The following PTPRA variants were observed in gnomAD, a reference collection of about 807,000 sequenced individuals.
The protein encoded by PTPRA is protein tyrosine phosphatase receptor type A.
Under a neutral mutation model 104.8 loss-of-function variants are expected in PTPRA, and 25 were observed. The ratio of observed to expected loss-of-function variants is 0.24; its 90% CI spans 0.17 to 0.33. PTPRA has a LOEUF of 0.33. PTPRA is among the 10% of genes least tolerant of loss of function. The probability of loss-of-function intolerance (pLI) is 1.00; values close to 1 mark genes in which losing one functional copy is unlikely to be tolerated. For missense variants in PTPRA, 765 were observed against 1,015.3 expected (o/e 0.75, Z 3.35); for synonymous variants, 323 against 368.9 (o/e 0.88, Z 1.43).
At chr20:2,889,728 A>G (rs1255459052) in intron 1 of PTPRA, among the ~76,000 whole-genome samples, 1 of 152,170 alleles carries the variant, frequency 6.6e-6, no homozygotes, top group Non-Finnish European at 1.5e-5. Context: ...ATCATGATAC[A>G]GTTATTATTG....
Position 3,038,592 on chromosome 20 carries a change from T to G in PTPRA, c.*459T>G, listed in dbSNP as rs1015131802. 2.9e-4 allele frequency: 51 copies of G among 177,644 alleles called. No homozygotes were observed. Among genetic ancestry groups the G allele is most frequent in the Non-Finnish European group, 9.5e-5 (8 of 84,108 alleles). The allele number at this position is 177,644 out of a possible 1,614,324, so 11.0% of individuals were successfully genotyped here. ...TCCCCCATCCCCACCACTGATATCATGGGGAGTAATAGGACCAGAGCGGTA... is the reference window on the plus strand; with the variant it reads ...TCCCCCATCCCCACCACTGATATCAGGGGGAGTAATAGGACCAGAGCGGTA... On this transcript the variant is annotated 3_prime_UTR_variant, in exon 24 of 24. Coordinates refer to ENST00000399903, the MANE Select transcript of PTPRA (RefSeq NM_001385305.1).
chr20:3,017,989 A>G (rs979756826), intron 13 of PTPRA, 76 bp downstream of exon 13: 23 of 1,261,814 alleles, frequency 1.8e-5, no homozygotes, highest in East Asian at 2.4e-5. Context: ...CTGGCTGTCT[A>G]TCCTTTGTGG....
chr20:2,894,882 G>A (rs530612588), intron 1 of PTPRA, among the ~76,000 whole-genome samples: 5 of 151,574 alleles, frequency 3.3e-5, no homozygotes, highest in Admixed American at 2.0e-4. Flanking sequence ...AGCTACTCGG[G>A]AGGCTGAGAC....
chr20:2,911,300 G>T (rs1022707341), intron 1 of PTPRA, among the ~76,000 whole-genome samples: 1 of 152,020 alleles, frequency 6.6e-6, no homozygotes, highest in Non-Finnish European at 1.5e-5. Flanking sequence ...TTCTTGCTCT[G>T]AGTGAACAGT....
intron 5 of PTPRA, among the ~76,000 whole-genome samples, chr20:2,971,100 T>TTTTCTA: frequency 2.0e-5 from 3 of 152,246 alleles, no homozygotes; most frequent in African/African-American, 7.2e-5. Flanking sequence ...TTGTAAAGTA[T>TTTTCTA]TTAATATCCA....
Position 2,940,395 on chromosome 20 carries a change from A to G in PTPRA, c.-49-7587A>G, listed in dbSNP as rs377067380. On this transcript the variant is annotated intron_variant, in intron 2 of 23. Transcript: ENST00000399903. ...GGACTTGAACTCCTGTGCTCAGGCA[A>G]TCCTCCTCCCTCAGCCTTCCAAGTA... is the stretch of plus-strand genomic sequence containing the variant. Among the ~76,000 whole-genome samples the G allele has an allele frequency of 4.6e-5, 7 of 151,752 alleles. No homozygotes were observed. In the South Asian group the frequency reaches 1.3e-3, roughly 27 times the overall value.
At position 3,015,802 on chromosome 20, in the gene PTPRA, T is replaced by C; in HGVS notation, c.907-47T>C. 3 of 1,463,812 alleles carry C rather than the reference T, an allele frequency of 2.0e-6. No homozygotes were observed. The Admixed American group carries it at 5.2e-5, about 25-fold the overall frequency. The allele number at this position is 1,463,812 out of a possible 1,614,324, so 90.7% of individuals were successfully genotyped here. A position where few individuals can be genotyped will look rare whatever the true frequency, so the allele number is the denominator to read the frequency against. ...TCAGACTGGAGAATTTCATTTCTAT[T>C]CATTTTTGGTTTTCTCTTTCTTTTT... On this transcript the variant is annotated intron_variant, in intron 11 of 23. Coordinates refer to ENST00000399903, the MANE Select transcript of PTPRA (RefSeq NM_001385305.1).
chr20:3,002,627 C>T (rs2063687230), intron 9 of PTPRA, among the ~76,000 whole-genome samples: 1 of 152,080 alleles, frequency 6.6e-6, no homozygotes, highest in Admixed American at 6.6e-5. Context: ...GCGCCTGGCC[C>T]AAATGTAGTA....
At chr20:2,988,862 T>C (rs945194838) in intron 9 of PTPRA, among the ~76,000 whole-genome samples, 2 of 152,150 alleles carry the variant, frequency 1.3e-5, no homozygotes, top group African/African-American at 4.8e-5. Context: ...CAAATATAAC[T>C]GTGTAAGTTC....
chr20:2,902,372 TC>T (rs1424305502), intron 1 of PTPRA, among the ~76,000 whole-genome samples: 1 of 152,222 alleles, frequency 6.6e-6, no homozygotes, highest in Non-Finnish European at 1.5e-5. Context: ...CTTTCTTTTT[TC>T]CCTACTCCCT....
rs192390533 is a variant in PTPRA, at chr20:2,883,675, A to G, written c.-129+9915A>G. 1.4e-3 allele frequency among the ~76,000 whole-genome samples: 31 copies of G among 22,664 alleles called. 10 individuals carry two copies. In the African/African-American group the frequency reaches 0.02, roughly 15 times the overall value. The allele number at this position is 22,664 out of a possible 152,430, so 14.9% of individuals were successfully genotyped here. On this transcript the variant is annotated intron_variant, in intron 1 of 23. Coordinates refer to ENST00000399903, the MANE Select transcript of PTPRA (RefSeq NM_001385305.1). ...TCAAAAAAAAAAAAAAAAAAAAAAA[A>G]AAAGAAAGAAATGTGCAATGGTAGA... is the stretch of plus-strand genomic sequence containing the variant.
chr20:2,964,142 G>C, intron 3 of PTPRA, 130 bp from the exon 4 acceptor site: 1 of 718,128 alleles, frequency 1.4e-6, no homozygotes, highest in Non-Finnish European at 2.4e-6. Flanking sequence ...TGCATATCAG[G>C]CTCCCAAAAG....
intron 11 of PTPRA, among the ~76,000 whole-genome samples, chr20:3,012,968 G>C (rs906655019): frequency 6.6e-6 from 1 of 152,094 alleles, no homozygotes; most frequent in Non-Finnish European, 1.5e-5. Flanking sequence ...TTCACCCAGA[G>C]TTTACAATTC....
Position 3,022,944 on chromosome 20 carries a change from G to A in PTPRA, c.1464+120G>A, listed in dbSNP as rs149274858. On this transcript the variant is annotated intron_variant, in intron 16 of 23. Transcript: ENST00000399903. This position sits in a 1 kb window ranked among gnomAD's most constrained non-coding sequence, Gnocchi z 4.6. ...ATGATTACTATAGAGTGTGATTGTG[G>A]GGGAAAGAAAGATAGATCACACTGT... The A allele has an allele frequency of 3.2e-4, 465 of 1,458,024 alleles. 3 individuals carry two copies. The East Asian group carries it at 0.011, about 35-fold the overall frequency. 90.3% of individuals were successfully genotyped at this position (1,458,024 alleles called of 1,614,324 possible). A position where few individuals can be genotyped will look rare whatever the true frequency, so the allele number is the denominator to read the frequency against.
In PTPRA at chr20:3,022,217, G is replaced by C. The variant is rs1357555576; in HGVS notation, c.1325G>C (p.Cys442Ser). Residue 442 changes from cysteine (C) to serine (S), a missense_variant, in exon 15 of 24, where the codon TGC becomes TCC. By Grantham distance (112) the Cys-to-Ser change is moderately radical. Transcript: ENST00000399903. The surrounding 1 kb of genome is among the most constrained non-coding windows in gnomAD (Gnocchi z 4.6). Reference sequence around the variant, plus strand: ...TATGCAGGGGCCATCGTGGTCCACTGCAGGTCAGTGTGGCCTGACCCTTGT... The same window carrying C: ...TATGCAGGGGCCATCGTGGTCCACTCCAGGTCAGTGTGGCCTGACCCTTGT... ...PQYAGAIVVH[C>S]SAGVGRTGTF... is the part of the protein sequence containing the mutation. 2 of 1,614,128 alleles carry C rather than the reference G, an allele frequency of 1.2e-6. No individual in the cohort carries two copies. The highest frequency in any genetic ancestry group is 1.3e-5 in the African/African-American group (1 of 75,058).
chr20:2,867,557 TG>T, the PTPRA span, among the ~76,000 whole-genome samples: 24 of 149,666 alleles, frequency 1.6e-4, no homozygotes, highest in Non-Finnish European at 2.4e-4. Flanking sequence ...CTGCTCTCCC[TG>T]TCTAGCCCTC....
intron 1 of PTPRA, among the ~76,000 whole-genome samples, chr20:2,911,629 T>C (rs2059725703): frequency 2.0e-5 from 3 of 152,230 alleles, no homozygotes; most frequent in African/African-American, 7.2e-5. Flanking sequence ...GAGGATATTA[T>C]GCTGAGCATG....
At chr20:2,887,680 T>C (rs896025465) in intron 1 of PTPRA, among the ~76,000 whole-genome samples, 5 of 152,348 alleles carry the variant, frequency 3.3e-5, no homozygotes, top group African/African-American at 1.2e-4. Context: ...TTTTCAAATA[T>C]TGGTTGACAA....
intron 9 of PTPRA, among the ~76,000 whole-genome samples, chr20:3,002,763 A>C (rs1344057820): frequency 6.6e-6 from 1 of 152,196 alleles, no homozygotes; most frequent in Non-Finnish European, 1.5e-5. Flanking sequence ...AACATGGAAA[A>C]TGGATCACAC....
Sources: allele counts gnomAD v4.1 joint callset (sites outside exome capture counted in the v4.1 genomes callset), GRCh38; gene constraint gnomAD v4.1.1; non-coding constraint Gnocchi (gnomAD v3.1); transcripts MANE v1.5; gene names NCBI Gene and HGNC (gene_info 2026-07-23, HGNC 2026-07-21).